Variants in ARPP21 observed in about 807,000 individuals in gnomAD.
ARPP21 encodes cAMP regulated phosphoprotein 21.
In ARPP21, 69 loss-of-function variants were observed where a neutral mutation model predicts 113.2. The ratio of observed to expected loss-of-function variants is 0.61; its 90% confidence interval spans 0.50 to 0.74. ARPP21 has a LOEUF of 0.74. ARPP21 is among the 30% of genes least tolerant of loss of function. ARPP21 has a pLI of 0.00. For synonymous variants in ARPP21, 368 were observed against 375.5 expected (o/e 0.98, Z 0.23); for missense variants, 1,070 against 1,037.4 (o/e 1.03, Z -0.43).
chr3:35,671,272 A>T (rs2076279749), intron 1 of ARPP21, among the ~76,000 whole-genome samples: 1 of 152,148 alleles, frequency 6.6e-6, no homozygotes, highest in Non-Finnish European at 1.5e-5. Flanking sequence ...TTCCATTTAA[A>T]CACACTGAAA....
intron 9 of ARPP21, among the ~76,000 whole-genome samples, chr3:35,701,575 C>G (rs2086415680): frequency 6.6e-6 from 1 of 151,492 alleles, no homozygotes; most frequent in Non-Finnish European, 1.5e-5. Flanking sequence ...CGTATTTTCC[C>G]CTTTTCTCTT....
intron 13 of ARPP21, among the ~76,000 whole-genome samples, chr3:35,718,261 CAG>C (rs1167790887): frequency 6.6e-6 from 1 of 152,110 alleles, no homozygotes; most frequent in African/African-American, 2.4e-5. Context: ...AAACAAAAAA[CAG>C]AAGCTTCTTT....
chr3:35,721,500 T>C, intron 13 of ARPP21, 105 bp from the exon 14 acceptor site: 3 of 677,484 alleles, frequency 4.4e-6, no homozygotes, highest in Non-Finnish European at 7.9e-6. Context: ...GCAGGAAGGG[T>C]CTTGTGTGGA....
chr3:35,684,470 A>C (rs2079938895), intron 5 of ARPP21: 1 of 983,318 alleles, frequency 1.0e-6, no homozygotes, highest in African/African-American at 1.8e-5. Context: ...AAATTATTTC[A>C]TGACAAAATG....
intron 11 of ARPP21, among the ~76,000 whole-genome samples, chr3:35,713,924 A>G (rs2091896124): frequency 6.6e-6 from 1 of 152,178 alleles, no homozygotes; most frequent in Admixed American, 6.5e-5. Flanking sequence ...TGAACTCATA[A>G]TGTATATCTA....
At chr3:35,680,382 A>G (rs1312944991) in intron 2 of ARPP21, among the ~76,000 whole-genome samples, 1 of 151,920 alleles carries the variant, frequency 6.6e-6, no homozygotes, top group Non-Finnish European at 1.5e-5. Flanking sequence ...GACTCAAACT[A>G]CCATCCTTTT....
intron 19 of ARPP21, among the ~76,000 whole-genome samples, chr3:35,767,613 T>G (rs949612570): frequency 5.9e-5 from 9 of 152,340 alleles, no homozygotes; most frequent in African/African-American, 1.9e-4. Context: ...TGTTTTCCTA[T>G]GTACATGGTA....
chr3:35,668,874 G>A (rs1192118450), intron 1 of ARPP21, among the ~76,000 whole-genome samples: 4 of 151,916 alleles, frequency 2.6e-5, no homozygotes, highest in Non-Finnish European at 5.9e-5. Flanking sequence ...AATCTTTGAG[G>A]CATAGAACAC....
At chr3:35,684,894 A>G in intron 5 of ARPP21, 2 of 985,214 alleles carry the variant, frequency 2.0e-6, no homozygotes, top group Non-Finnish European at 2.4e-6. Context: ...TTTCGTACAC[A>G]TGCTTTATTT....
chr3:35,693,306 T>C (rs1270917211), intron 9 of ARPP21, among the ~76,000 whole-genome samples: 2 of 151,596 alleles, frequency 1.3e-5, no homozygotes, highest in Non-Finnish European at 3.0e-5. Context: ...TACTGAAGTG[T>C]TGAGCTCAAT....
chr3:35,737,027 G>T (rs917305762), intron 15 of ARPP21, 151 bp from the exon 16 acceptor site: 1 of 560,002 alleles, frequency 1.8e-6, no homozygotes. Flanking sequence ...AAACAGTAAG[G>T]TCTTCACATT....
intron 1 of ARPP21, among the ~76,000 whole-genome samples, chr3:35,656,977 A>T (rs934597333): frequency 4.6e-5 from 7 of 152,212 alleles, no homozygotes; most frequent in African/African-American, 1.7e-4. Context: ...ATCATTCTTC[A>T]AAAATGGTAC....
intron 19 of ARPP21, among the ~76,000 whole-genome samples, chr3:35,758,345 C>A (rs954851421): frequency 5.9e-5 from 9 of 152,080 alleles, no homozygotes; most frequent in Non-Finnish European, 1.3e-4. Flanking sequence ...CTACATTCAA[C>A]AAATATTTCA....
chr3:35,777,515 A>G (rs1473360113), intron 19 of ARPP21, among the ~76,000 whole-genome samples: 3 of 152,244 alleles, frequency 2.0e-5, no homozygotes, highest in Non-Finnish European at 4.4e-5. Flanking sequence ...TCATTTAAAT[A>G]TCACTTCATA....
chr3:35,727,602 A>C (rs2093629639), intron 14 of ARPP21, among the ~76,000 whole-genome samples: 1 of 152,200 alleles, frequency 6.6e-6, no homozygotes, highest in South Asian at 2.1e-4. Context: ...TGGATTATAT[A>C]TTTTGACTTT....
intron 3 of ARPP21, chr3:35,682,585 A>C: frequency 2.6e-6 from 1 of 378,940 alleles, no homozygotes; most frequent in Non-Finnish European, 4.7e-6. Flanking sequence ...AAAAAACTTC[A>C]AAGCTGGCTT....
chr3:35,729,816 C>T (rs2093817731), intron 15 of ARPP21, among the ~76,000 whole-genome samples: 1 of 152,150 alleles, frequency 6.6e-6, no homozygotes, highest in African/African-American at 2.4e-5. Flanking sequence ...TGGTGTCTCT[C>T]ATGCATGCTT....
chr3:35,676,550 G>T (rs2077545067), intron 1 of ARPP21, among the ~76,000 whole-genome samples: 1 of 79,892 alleles, frequency 1.3e-5, no homozygotes. Flanking sequence ...GATGGCTCAA[G>T]AATCTAACAG....
chr3:35,748,883 C>A (rs765865629), intron 19 of ARPP21, among the ~76,000 whole-genome samples: 1 of 152,182 alleles, frequency 6.6e-6, no homozygotes, highest in Non-Finnish European at 1.5e-5. Context: ...GGAAATACAC[C>A]GTTCCTTCTT....
Sources: gnomAD v4.1 joint callset for allele counts (sites outside exome capture counted in the v4.1 genomes callset) on GRCh38, gnomAD v4.1.1 for gene constraint, MANE v1.5 for transcripts, NCBI Gene and HGNC (gene_info 2026-07-23, HGNC 2026-07-21) for gene names.